The following CPPED1 variants were observed in gnomAD, a reference collection of about 807,000 sequenced individuals.
CPPED1 encodes the protein serine/threonine-protein phosphatase CPPED1.
In CPPED1, 28 loss-of-function variants were observed where a neutral mutation model predicts 28.0. That is an observed-to-expected ratio of 1.00 (90% CI 0.74 to 1.37). CPPED1 has a LOEUF of 1.37. CPPED1 is among the 40% of genes most tolerant of loss of function. The pLI, the probability that CPPED1 is intolerant of heterozygous loss-of-function variation, is 0.00. For synonymous variants in CPPED1, 198 were observed against 180.2 expected, an observed-to-expected ratio of 1.10 and a Z score of -0.79; for missense variants, 504 against 416.5, an observed-to-expected ratio of 1.21 and a Z score of -1.83.
chr16:12,744,293 AGAGAAAGC>A (rs781336585), intron 2 of CPPED1, among the ~76,000 whole-genome samples: 3,929 of 117,362 alleles, frequency 0.033, 183 homozygotes, highest in African/African-American at 0.14. Context: ...AGAGAGAGAG[AGAGAAAGC>A]AAGCAAGCAA....
At chr16:12,793,777 A>C (rs2080610495) in intron 1 of CPPED1, among the ~76,000 whole-genome samples, 2 of 152,166 alleles carry the variant, frequency 1.3e-5, no homozygotes, top group African/African-American at 4.8e-5. Context: ...GGCTGAGAAA[A>C]CATCTGATGA....
At chr16:12,779,795 A>C (rs1404691658) in intron 2 of CPPED1, among the ~76,000 whole-genome samples, 1 of 152,076 alleles carries the variant, frequency 6.6e-6, no homozygotes, top group African/African-American at 2.4e-5. Flanking sequence ...CTTCTAAAGG[A>C]GTTAGACATC....
At chr16:12,739,897 G>A (rs2080245314) in intron 2 of CPPED1, among the ~76,000 whole-genome samples, 1 of 152,124 alleles carries the variant, frequency 6.6e-6, no homozygotes, top group African/African-American at 2.4e-5. Context: ...CTGGGCTACA[G>A]CAGCCATTTT....
intron 2 of CPPED1, among the ~76,000 whole-genome samples, chr16:12,740,994 A>G (rs12596977): frequency 0.56 from 85,823 of 152,010 alleles, 24,386 homozygotes; most frequent in Admixed American, 0.63. Flanking sequence ...ACAACTATTT[A>G]ACAGGCTTAG....
At chr16:12,668,796 A>C (rs2079839256) in intron 3 of CPPED1, among the ~76,000 whole-genome samples, 1 of 152,234 alleles carries the variant, frequency 6.6e-6, no homozygotes, top group South Asian at 2.1e-4. Context: ...CTTCATAGCC[A>C]CTCGGATGGC....
intron 3 of CPPED1, among the ~76,000 whole-genome samples, chr16:12,690,889 T>C (rs911887297): frequency 3.9e-5 from 6 of 152,156 alleles, no homozygotes; most frequent in Non-Finnish European, 7.4e-5. Flanking sequence ...GCCTCTGTGG[T>C]TGCAGCACCA....
chr16:12,681,534 T>C (rs568812337), intron 3 of CPPED1, among the ~76,000 whole-genome samples: 1 of 152,286 alleles, frequency 6.6e-6, no homozygotes, highest in African/African-American at 2.4e-5. Context: ...TTTTCATACC[T>C]CACCTGATTA....
At chr16:12,705,074 G>C in intron 2 of CPPED1, 25 bp from the exon 3 acceptor site, 1 of 1,580,882 alleles carries the variant, frequency 6.3e-7, no homozygotes. Flanking sequence ...GTCACGTCCT[G>C]AGAAAGCCAG....
intron 2 of CPPED1, among the ~76,000 whole-genome samples, chr16:12,757,017 G>A (rs1405847520): frequency 6.6e-6 from 1 of 152,162 alleles, no homozygotes; most frequent in Non-Finnish European, 1.5e-5. Context: ...GGTAAGTAAG[G>A]TAGGACCCTA....
intron 2 of CPPED1, among the ~76,000 whole-genome samples, chr16:12,751,802 T>C (rs560547658): frequency 2.0e-5 from 3 of 152,252 alleles, no homozygotes; most frequent in Non-Finnish European, 4.4e-5. Context: ...TATATTAATC[T>C]TTAGACTATT....
chr16:12,766,277 GGAGAGAGAGAGAGAGAAAGAGAGAGA>G (rs2080438687), intron 2 of CPPED1, among the ~76,000 whole-genome samples: 1 of 119,910 alleles, frequency 8.3e-6, no homozygotes. Flanking sequence ...AGAGAGAGAG[GGAGAGAGAGAGAGAGAAAGAGAGAGA>G]GAGAGAGCTG....
rs148776334 is a variant in CPPED1 at position 12,665,758 on chromosome 16, T to C, written c.716-643A>G. Among the ~76,000 whole-genome samples the C allele has an allele frequency of 5.5e-4, 84 of 152,154 alleles. 1 individual carries two copies. The East Asian group carries it at 0.014, about 26-fold the overall frequency. On this transcript the variant is annotated intron_variant, in intron 3 of 3. Coordinates refer to ENST00000381774, the MANE Select transcript of CPPED1 (RefSeq NM_018340.3). ...GCGTGGCCAATATGGTGAAATCTCA[T>C]ACTAAAAAATACAAAAATTGGCTAG... is the stretch of plus-strand genomic sequence containing the variant.
At chr16:12,754,561 A>T (rs2080352378) in intron 2 of CPPED1, among the ~76,000 whole-genome samples, 1 of 152,246 alleles carries the variant, frequency 6.6e-6, no homozygotes, top group African/African-American at 2.4e-5. Context: ...CATCCAGTGC[A>T]GAGTCCCTCT....
intron 2 of CPPED1, among the ~76,000 whole-genome samples, chr16:12,747,048 C>T (rs1056076463): frequency 6.0e-5 from 9 of 149,726 alleles, no homozygotes; most frequent in Admixed American, 6.7e-5. Flanking sequence ...CCAGAGTTTA[C>T]TCCCAAAAAA....
chr16:12,725,671 C>T lies in CPPED1; in HGVS notation c.290-20622G>A, dbSNP rs552516514. On this transcript the variant is annotated intron_variant, in intron 2 of 3. Transcript: ENST00000381774. ...TTGTCAAAAGGACCACAGGTAGAGA[C>T]GGGGGGAAGTGTGGAGACCTCGTGT... 1.2e-3 allele frequency among the ~76,000 whole-genome samples: 175 copies of T among 152,130 alleles called. 1 individual carries two copies. Among genetic ancestry groups the T allele is most frequent in the South Asian group, 8.7e-3 (42 of 4,814 alleles).
At chr16:12,780,579 A>G (rs147936214) in intron 2 of CPPED1, among the ~76,000 whole-genome samples, 208 of 152,206 alleles carry the variant, frequency 1.4e-3, no homozygotes, top group African/African-American at 4.8e-3. Context: ...ATCTAGAGAG[A>G]GCCTGAACGT....
chr16:12,683,467 G>T (rs902290922), intron 3 of CPPED1, among the ~76,000 whole-genome samples: 4 of 152,038 alleles, frequency 2.6e-5, no homozygotes, highest in Non-Finnish European at 1.5e-5. Context: ...CAAAAATTCA[G>T]AATCATTTCC....
intron 2 of CPPED1, among the ~76,000 whole-genome samples, chr16:12,747,471 T>TAAC (rs1432013065): frequency 7.9e-6 from 1 of 126,366 alleles, no homozygotes; most frequent in Non-Finnish European, 1.7e-5. Flanking sequence ...AAATAAATAA[T>TAAC]CACATTCCAT....
At chr16:12,783,328 T>C (rs1022291285) in intron 1 of CPPED1, among the ~76,000 whole-genome samples, 2 of 152,030 alleles carry the variant, frequency 1.3e-5, no homozygotes, top group African/African-American at 2.4e-5. Flanking sequence ...TGAAACCTCA[T>C]CTCTACTAAA....
Sources: allele counts gnomAD v4.1 joint callset (sites outside exome capture counted in the v4.1 genomes callset), GRCh38; gene constraint gnomAD v4.1.1; transcripts MANE v1.5; gene names NCBI Gene and HGNC (gene_info 2026-07-23, HGNC 2026-07-21).